CTNNA2: variants seen among roughly 807,000 people sequenced by gnomAD.
CTNNA2 encodes catenin alpha 2.
CTNNA2 carries 42 observed loss-of-function variants against 101.0 expected under a neutral mutation model. The observed-to-expected ratio is 0.42, with a 90% CI of 0.32 to 0.54. CTNNA2 has a LOEUF of 0.54. Ranked by LOEUF, CTNNA2 falls within the 20% of genes least tolerant of loss-of-function variation. The pLI, the probability that CTNNA2 is intolerant of heterozygous loss-of-function variation, is 0.14. For missense variants in CTNNA2, 871 were observed against 1,223.1 expected (o/e 0.71, Z 4.29); for synonymous variants, 450 against 456.4 (o/e 0.99, Z 0.18).
At chr2:79,835,377 A>G (rs1331299663) in intron 3 of CTNNA2, among the ~76,000 whole-genome samples, 1 of 152,210 alleles carries the variant, frequency 6.6e-6, no homozygotes, top group East Asian at 1.9e-4. Flanking sequence ...CAGCTAATAT[A>G]GGCAGGAAAA....
At chr2:80,370,658 C>T (rs911715177) in intron 7 of CTNNA2, among the ~76,000 whole-genome samples, 1 of 152,078 alleles carries the variant, frequency 6.6e-6, no homozygotes, top group Admixed American at 6.6e-5. Flanking sequence ...ACTTTCCTGT[C>T]CTCACAGAAA....
chr2:79,466,205 A>G (rs972367363), intron 4 of CTNNA2, among the ~76,000 whole-genome samples: 13 of 152,144 alleles, frequency 8.5e-5, no homozygotes, highest in Admixed American at 2.6e-4. Context: ...CGCTTTTCCA[A>G]TGGTCTTAGC....
Position 79,526,761 on chromosome 2 carries a change from A to C in CTNNA2, c.-6+13554A>C, listed in dbSNP as rs1008303079. ...TATTTAAACAAATGGTGCTGAGACA[A>C]CTGAATAAACATTTACATGGAAAAG... On this transcript the variant is annotated intron_variant, in intron 1 of 18. Coordinates refer to ENST00000402739, the MANE Select transcript of CTNNA2 (RefSeq NM_001282597.3). Among the ~76,000 whole-genome samples the C allele has an allele frequency of 3.3e-5, 5 of 152,146 alleles. No homozygotes were observed. In the South Asian group the frequency reaches 8.3e-4, roughly 25 times the overall value.
chr2:80,201,661 C>A (rs1987419), intron 7 of CTNNA2, among the ~76,000 whole-genome samples: 1 of 152,126 alleles, frequency 6.6e-6, no homozygotes, highest in Admixed American at 6.5e-5. Flanking sequence ...AGGCGTGAGC[C>A]ACCGTGCCCG....
At chr2:79,439,947 G>A (rs925741938) in intron 4 of CTNNA2, among the ~76,000 whole-genome samples, 3 of 151,724 alleles carry the variant, frequency 2.0e-5, no homozygotes, top group Admixed American at 1.3e-4. Flanking sequence ...AACATGCGAA[G>A]GTAAACTATT....
chr2:80,555,213 T>C (rs1434059), intron 11 of CTNNA2, among the ~76,000 whole-genome samples: 68,669 of 152,068 alleles, frequency 0.45, 15,745 homozygotes, highest in South Asian at 0.59. Flanking sequence ...GAAACATGTG[T>C]CCAAAGCTTT....
At chr2:79,781,516 G>A (rs1674425062) in intron 3 of CTNNA2, among the ~76,000 whole-genome samples, 1 of 152,160 alleles carries the variant, frequency 6.6e-6, no homozygotes, top group African/African-American at 2.4e-5. Flanking sequence ...GAGCTTTAGT[G>A]TATAGCCCAT....
intron 7 of CTNNA2, among the ~76,000 whole-genome samples, chr2:80,312,696 G>T (rs1195301900): frequency 6.6e-6 from 1 of 152,214 alleles, no homozygotes; most frequent in Non-Finnish European, 1.5e-5. Context: ...AGTTCTGTCT[G>T]CTCTGTCTCT....
intron 4 of CTNNA2, among the ~76,000 whole-genome samples, chr2:79,416,186 C>A (rs573632579): frequency 2.0e-5 from 3 of 150,828 alleles, no homozygotes; most frequent in African/African-American, 7.3e-5. Context: ...CTTTCCAAGT[C>A]ATCTTCTTTT....
At chr2:80,435,773 A>G (rs1439454936) in intron 9 of CTNNA2, among the ~76,000 whole-genome samples, 1 of 152,202 alleles carries the variant, frequency 6.6e-6, no homozygotes, top group African/African-American at 2.4e-5. Context: ...TGAGGGTTAA[A>G]TTCTTGTTGG....
Position 80,531,862 on chromosome 2 carries a change from A to C in CTNNA2, c.1291-13120A>C, listed in dbSNP as rs79895572. 5.3e-3 allele frequency among the ~76,000 whole-genome samples: 810 copies of C among 152,298 alleles called. 6 individuals carry two copies. The highest frequency in any genetic ancestry group is 0.018 in the African/African-American group (767 of 41,556). On this transcript the variant is annotated intron_variant, in intron 9 of 18. Coordinates refer to ENST00000402739, the MANE Select transcript of CTNNA2 (RefSeq NM_001282597.3). ...TGGCATATTTGACAGGTCTGAAAAA[A>C]TTAAATGGTTAAATCTCACCAAGTT... is the stretch of plus-strand genomic sequence containing the variant.
At chr2:80,453,806 A>G (rs1022766421) in intron 9 of CTNNA2, among the ~76,000 whole-genome samples, 3 of 152,162 alleles carry the variant, frequency 2.0e-5, no homozygotes, top group Non-Finnish European at 4.4e-5. Context: ...ATACGTTTCT[A>G]TTCTCCACCC....
chr2:79,808,280 G>C (rs893144426), intron 3 of CTNNA2, among the ~76,000 whole-genome samples: 1 of 152,136 alleles, frequency 6.6e-6, no homozygotes, highest in Admixed American at 6.5e-5. Context: ...GGGAGAAGGA[G>C]GAAGGACTAC....
chr2:79,839,254 C>T (rs899851015), intron 3 of CTNNA2, among the ~76,000 whole-genome samples: 4 of 151,970 alleles, frequency 2.6e-5, no homozygotes, highest in Non-Finnish European at 5.9e-5. Flanking sequence ...CTACTGTCTC[C>T]TGGCTTCCAT....
At chr2:80,210,554 T>C (rs548695887) in intron 7 of CTNNA2, among the ~76,000 whole-genome samples, 22 of 152,352 alleles carry the variant, frequency 1.4e-4, no homozygotes, top group African/African-American at 5.3e-4. Context: ...CATCCTTTTT[T>C]ATGGCTGCGT....
chr2:80,038,788 G>T (rs1389361664), intron 7 of CTNNA2, among the ~76,000 whole-genome samples: 1 of 152,206 alleles, frequency 6.6e-6, no homozygotes, highest in Non-Finnish European at 1.5e-5. Context: ...GGTGGAGGTT[G>T]CAGTGAGCTG....
chr2:80,365,583 A>C (rs201473857), intron 7 of CTNNA2, among the ~76,000 whole-genome samples: 207 of 148,944 alleles, frequency 1.4e-3, no homozygotes, highest in African/African-American at 4.1e-3. Flanking sequence ...AAAAAAAAAA[A>C]AACAACAACA....
At chr2:80,121,564 CCTA>C (rs1351045785) in intron 7 of CTNNA2, among the ~76,000 whole-genome samples, 1 of 151,992 alleles carries the variant, frequency 6.6e-6, no homozygotes, top group Non-Finnish European at 1.5e-5. Context: ...CCTAAGAAAA[CCTA>C]AAATGGCAAT....
intron 2 of CTNNA2, among the ~76,000 whole-genome samples, chr2:79,718,360 ATT>A (rs1373115506): frequency 1.3e-5 from 2 of 152,210 alleles, no homozygotes; most frequent in Non-Finnish European, 2.9e-5. Flanking sequence ...TTAGCATAAA[ATT>A]TGACACTATT....
Sources: allele counts gnomAD v4.1 joint callset (sites outside exome capture counted in the v4.1 genomes callset), GRCh38; gene constraint gnomAD v4.1.1; transcripts MANE v1.5; gene names NCBI Gene and HGNC (gene_info 2026-07-23, HGNC 2026-07-21).